HUWE1: variants seen among roughly 807,000 people sequenced by gnomAD.
The protein encoded by HUWE1 is E3 ubiquitin-protein ligase HUWE1.
In HUWE1, 18 loss-of-function variants were observed where a neutral mutation model predicts 299.4. The observed-to-expected ratio is 0.06, with a 90% CI of 0.04 to 0.09. The LOEUF is 0.09. Ranked by LOEUF, HUWE1 falls within the 10% of genes least tolerant of loss-of-function variation. The probability of loss-of-function intolerance (pLI) is 1.00; values close to 1 mark genes in which losing one functional copy is unlikely to be tolerated. For missense variants in HUWE1, 1,832 were observed against 3,462.3 expected (o/e 0.53, Z 11.82); for synonymous variants, 1,317 against 1,286.1 (o/e 1.02, Z -0.51).
intron 3 of HUWE1, among the ~76,000 whole-genome samples, chrX:53,676,882 GTATT>G (rs781947973): frequency 1.9e-4 from 21 of 111,728 alleles, no homozygotes; most frequent in Admixed American, 9.4e-4. Flanking sequence ...AAAAAATTGA[GTATT>G]TATCCTGCTC....
intron 71 of HUWE1, 87 bp from the exon 72 acceptor site, chrX:53,544,849 A>AG: frequency 1.1e-6 from 1 of 937,661 alleles, no homozygotes. Flanking sequence ...TGTCAACCAG[A>AG]GGGGTAAGGA....
At chrX:53,610,982 C>A (rs915597158) in intron 23 of HUWE1, among the ~76,000 whole-genome samples, 6 of 110,006 alleles carry the variant, frequency 5.5e-5, no homozygotes, top group Non-Finnish European at 1.1e-4. Flanking sequence ...TTTCTGAGAT[C>A]AAACAATTCA....
chrX:53,547,414 C>T lies in HUWE1; in HGVS notation c.10636+259G>A, dbSNP rs781828332. ...CTAGGGAAGCTACATTCAGTGAATG[C>T]CTGCTGACCTTCAAAAGAGTGTGTG... On this transcript the variant is annotated intron_variant, in intron 68 of 83. Coordinates refer to ENST00000262854, the MANE Select transcript of HUWE1 (RefSeq NM_031407.7). 2.7e-5 allele frequency among the ~76,000 whole-genome samples: 3 copies of T among 111,615 alleles called. No individual in the cohort carries two copies. In the East Asian group the frequency reaches 8.4e-4, roughly 31 times the overall value.
intron 7 of HUWE1, among the ~76,000 whole-genome samples, chrX:53,641,792 C>T (rs1557031359): frequency 8.9e-6 from 1 of 111,855 alleles, no homozygotes; most frequent in Admixed American, 9.5e-5. Context: ...GTCCTAATTT[C>T]ATTAAAGGGC....
chrX:53,579,023 G>A (rs2063430245), intron 43 of HUWE1, among the ~76,000 whole-genome samples: 2 of 84,617 alleles, frequency 2.4e-5, no homozygotes, highest in African/African-American at 9.5e-5. Context: ...CCGTCCGGGA[G>A]GGAGGCGGGG....
intron 50 of HUWE1, 93 bp from the exon 51 acceptor site, chrX:53,564,815 G>T: frequency 9.1e-7 from 1 of 1,096,500 alleles, no homozygotes; most frequent in South Asian, 1.8e-5. Context: ...TCCCTTCCTT[G>T]GGCAAGTTTG....
intron 11 of HUWE1, 29 bp downstream of exon 11, chrX:53,631,385 C>G (rs781946119): frequency 9.4e-7 from 1 of 1,063,254 alleles, no homozygotes; most frequent in African/African-American, 1.8e-5. Flanking sequence ...ACAACCACAT[C>G]CTGTGGATGT....
chrX:53,577,690 C>G (rs1232844434), intron 43 of HUWE1, among the ~76,000 whole-genome samples: 1 of 102,887 alleles, frequency 9.7e-6, no homozygotes. Flanking sequence ...GACTGGTTTT[C>G]GTTTTTTTTT....
intron 78 of HUWE1, chrX:53,537,351 G>A (rs1361330365): frequency 1.1e-5 from 5 of 460,214 alleles, no homozygotes; most frequent in African/African-American, 7.3e-5. Context: ...GAATTGTTGG[G>A]TAGCTTAGCT....
At chrX:53,661,776 C>CCATT (rs1192150955) in intron 3 of HUWE1, among the ~76,000 whole-genome samples, 1 of 111,628 alleles carries the variant, frequency 9.0e-6, no homozygotes, top group African/African-American at 3.3e-5. Flanking sequence ...ATATCTATTA[C>CCATT]CATTACTTCA....
intron 24 of HUWE1, 127 bp downstream of exon 24, chrX:53,608,725 A>G: frequency 3.6e-6 from 2 of 550,637 alleles, no homozygotes; most frequent in Non-Finnish European, 6.6e-6. Flanking sequence ...AGGGTGGCAC[A>G]TCTTTCCCCT....
intron 4 of HUWE1, among the ~76,000 whole-genome samples, chrX:53,653,785 G>A (rs1348863080): frequency 8.9e-6 from 1 of 112,214 alleles, no homozygotes; most frequent in Admixed American, 9.4e-5. Flanking sequence ...TTTCTGCATA[G>A]GAAGGAATTG....
chrX:53,550,441 G>A (rs1462876093), intron 66 of HUWE1, among the ~76,000 whole-genome samples: 2 of 111,842 alleles, frequency 1.8e-5, no homozygotes, highest in Non-Finnish European at 3.8e-5. Flanking sequence ...ACCTGCTGCC[G>A]GCCTGCTTTT....
chrX:53,536,326 AAAGACCAGACCCCCAGGACTG>A, intron 79 of HUWE1, 33 bp downstream of exon 79: 1 of 1,184,011 alleles, frequency 8.4e-7, no homozygotes, highest in Non-Finnish European at 1.1e-6. Flanking sequence ...TGGGACACAA[AAAGACCAGACCCCCAGGACTG>A]AAGACAGTCC....
Position 53,580,843 on chromosome X carries a change from C to T in HUWE1, c.5704G>A (p.Gly1902Ser). 8.3e-7 allele frequency: 1 copy of T among 1,211,652 alleles called. No homozygotes were observed. The highest frequency in any genetic ancestry group is 2.3e-4 in the Middle Eastern group (1 of 4,354). Reference protein sequence around the residue: ...CIRIALPAPRGSGTASDDEFE... With the variant: ...CIRIALPAPRSSGTASDDEFE... ...AAGCGAAACTTACCAGTTCCTGAGC[C>T]TCGAGGGGCAGGAAGGGCGATGCGG... The change falls in exon 43 of 84, where the codon GGC becomes AGC. Residue 1902 changes from glycine (G) to serine (S), a missense_variant. By Grantham distance (56) the Gly-to-Ser change is moderately conservative. Around this residue, in one of 15 missense-constraint regions of HUWE1, gnomAD observed 47 missense variants for 45.8 expected, o/e 1.03. Transcript: ENST00000262854.
intron 80 of HUWE1, 86 bp downstream of exon 80, chrX:53,536,061 G>A (rs1361532218): frequency 1.7e-6 from 1 of 580,382 alleles, no homozygotes; most frequent in African/African-American, 2.3e-5. Context: ...CTATGAGAAG[G>A]TCACGCAGTG....
At chrX:53,601,730 G>A (rs1302949779) in intron 28 of HUWE1, among the ~76,000 whole-genome samples, 6 of 103,891 alleles carry the variant, frequency 5.8e-5, no homozygotes, top group Non-Finnish European at 1.2e-4. Context: ...GTGCAATGGC[G>A]CGATTTCGGC....
chrX:53,663,685 C>G (rs991093620), intron 3 of HUWE1, among the ~76,000 whole-genome samples: 1 of 110,869 alleles, frequency 9.0e-6, no homozygotes, highest in African/African-American at 3.3e-5. Flanking sequence ...GGGTAGGGGA[C>G]CATTTAGCCT....
intron 4 of HUWE1, among the ~76,000 whole-genome samples, chrX:53,651,815 G>A (rs1020143788): frequency 8.1e-5 from 9 of 110,928 alleles, no homozygotes; most frequent in Non-Finnish European, 1.7e-4. Context: ...ACCATTTCCT[G>A]GTAACTATCA....
Sources: gnomAD v4.1 joint callset for allele counts (sites outside exome capture counted in the v4.1 genomes callset) on GRCh38, gnomAD v4.1.1 for gene constraint, gnomAD v4.1.1 regional missense constraint, MANE v1.5 for transcripts, NCBI Gene and HGNC (gene_info 2026-07-23, HGNC 2026-07-21) for gene names.